Variants in MARCHF7 observed in about 807,000 individuals in gnomAD.
The protein encoded by MARCHF7 is E3 ubiquitin-protein ligase MARCHF7.
MARCHF7 carries 20 observed loss-of-function variants against 76.5 expected under a neutral mutation model. That is an observed-to-expected ratio of 0.26 (90% CI 0.18 to 0.38). The LOEUF is 0.38. MARCHF7 is among the 10% of genes least tolerant of loss of function. The pLI, the probability that MARCHF7 is intolerant of heterozygous loss-of-function variation, is 1.00. For missense variants in MARCHF7, 797 were observed against 812.9 expected (o/e 0.98, Z 0.24); for synonymous variants, 295 against 293.0 (o/e 1.01, Z -0.07).
intron 3 of MARCHF7, among the ~76,000 whole-genome samples, chr2:159,726,820 A>G (rs897708038): frequency 3.3e-5 from 5 of 152,062 alleles, no homozygotes; most frequent in African/African-American, 1.2e-4. Context: ...CCAACCACCA[A>G]TCTTCTTTCT....
chr2:159,756,766 C>T (rs544427445), intron 8 of MARCHF7, among the ~76,000 whole-genome samples: 2 of 150,926 alleles, frequency 1.3e-5, no homozygotes, highest in African/African-American at 4.9e-5. Flanking sequence ...TAGGGTTGGG[C>T]CTCAGTTCCA....
chr2:159,740,211 T>TA (rs1371684810), intron 4 of MARCHF7, among the ~76,000 whole-genome samples: 1 of 152,234 alleles, frequency 6.6e-6, no homozygotes, highest in Non-Finnish European at 1.5e-5. Context: ...CACATGCCTC[T>TA]AAAAGTCTTT....
Position 159,745,789 on chromosome 2 carries a change from T to C in MARCHF7, c.366T>C (p.Ser122=). The C allele has an allele frequency of 6.2e-7, 1 of 1,605,536 alleles. No individual in the cohort carries two copies. The highest frequency in any genetic ancestry group is 1.3e-5 in the African/African-American group (1 of 74,582). ...TTTAAGATTCATCTTGGAGGCATAG[T>C]CAAGTTCCTAGATCTTCATCAATGG... ...NTLSDSSWRH[S]QVPRSSSMVL... is the part of the protein sequence containing the mutation. Residue 122 remains serine, a synonymous_variant, in exon 6 of 12, where the codon AGT becomes AGC. Coordinates refer to ENST00000409175, the MANE Select transcript of MARCHF7 (RefSeq NM_001282805.2).
chr2:159,725,253 G>A (rs983295949), intron 3 of MARCHF7, among the ~76,000 whole-genome samples: 5 of 152,164 alleles, frequency 3.3e-5, no homozygotes, highest in African/African-American at 4.8e-5. Flanking sequence ...TTGAGGAATC[G>A]CCACACTGTC....
chr2:159,749,737 CG>C (rs200729100), intron 7 of MARCHF7, among the ~76,000 whole-genome samples: 5 of 129,510 alleles, frequency 3.9e-5, no homozygotes, highest in African/African-American at 1.2e-4. Flanking sequence ...ATGGTTGGGG[CG>C]GGGGGGGCGG....
In MARCHF7 at chr2:159,743,142, A is replaced by G; in HGVS notation, c.235A>G (p.Arg79Gly). ...TGAGATAACTCAGGGAGCACGCTCA[A>G]GATCGCAGAACCAGCAACGGGATCA... Reference protein sequence around the residue: ...ESEITQGARSRSQNQQRDHDS... With the variant: ...ESEITQGARSGSQNQQRDHDS... Residue 79 changes from arginine to glycine, a missense_variant, in exon 5 of 12, where the codon AGA becomes GGA. By Grantham distance (125) the Arg-to-Gly change is moderately radical. Coordinates refer to ENST00000409175, the MANE Select transcript of MARCHF7 (RefSeq NM_001282805.2). 1 of 1,614,204 alleles carries G rather than the reference A, an allele frequency of 6.2e-7. No homozygotes were observed. The highest frequency in any genetic ancestry group is 8.5e-7 in the Non-Finnish European group (1 of 1,180,020).
intron 7 of MARCHF7, 151 bp downstream of exon 7, chr2:159,749,054 C>T: frequency 2.2e-6 from 2 of 899,490 alleles, no homozygotes; most frequent in East Asian, 2.9e-5. Flanking sequence ...TCTCGGCTCA[C>T]TGCAGCCTCG....
chr2:159,733,504 C>T (rs1703067758), intron 4 of MARCHF7: 1 of 979,212 alleles, frequency 1.0e-6, no homozygotes, highest in Non-Finnish European at 1.2e-6. Flanking sequence ...TCCAAAGGTG[C>T]TGGGATTACA....
In MARCHF7 at chr2:159,764,670, C is replaced by T. The variant is rs748722727; in HGVS notation, c.2052C>T (p.Leu684=). The stretch of plus-strand genomic sequence containing the variant: ...CTCTTCAGGCACATATGGAAGATCT[C>T]GAAAGTAGGTGGAATTTCCCCTCCC... ...ARTLQAHMED[L]ETSEDDSEED... The change falls in exon 11 of 12, where the codon CTC becomes CTT. Residue 684 remains leucine, a synonymous_variant. Coordinates refer to ENST00000409175, the MANE Select transcript of MARCHF7 (RefSeq NM_001282805.2). 1.1e-5 allele frequency: 17 copies of T among 1,599,810 alleles called. No homozygotes were observed. Among genetic ancestry groups the T allele is most frequent in the South Asian group, 3.4e-5 (3 of 88,752 alleles).
intron 7 of MARCHF7, among the ~76,000 whole-genome samples, chr2:159,751,501 T>A (rs1705641870): frequency 6.6e-6 from 1 of 152,156 alleles, no homozygotes; most frequent in Non-Finnish European, 1.5e-5. Context: ...ATGCTTGAGG[T>A]TATGTCTGAT....
At chr2:159,762,049 GACTA>G (rs1560028750) in intron 9 of MARCHF7, among the ~76,000 whole-genome samples, 1 of 152,170 alleles carries the variant, frequency 6.6e-6, no homozygotes, top group Non-Finnish European at 1.5e-5. Context: ...GGGGCCTCTA[GACTA>G]ACTAGTGCCA....
At chr2:159,712,864 G>A (rs1047675152) in intron 1 of MARCHF7, among the ~76,000 whole-genome samples, 5 of 152,256 alleles carry the variant, frequency 3.3e-5, no homozygotes, top group African/African-American at 9.6e-5. Context: ...TTGGTCGGGT[G>A]GTGGAGTTTG....
chr2:159,747,305 A>ATTTAGCAAAAATAT (rs1390640350), intron 6 of MARCHF7, among the ~76,000 whole-genome samples: 1 of 152,208 alleles, frequency 6.6e-6, no homozygotes. Context: ...ATTTTTAGCT[A>ATTTAGCAAAAATAT]TTAGCAAGAT....
chr2:159,730,281 G>T (rs1702629875), intron 4 of MARCHF7, among the ~76,000 whole-genome samples: 1 of 152,078 alleles, frequency 6.6e-6, no homozygotes, highest in Non-Finnish European at 1.5e-5. Flanking sequence ...TATAATTAAT[G>T]TTTGATTTGC....
rs1229795654 is a variant in MARCHF7, at chr2:159,769,549, CAGG to C, written c.*2210_*2212del. On this transcript the variant is annotated 3_prime_UTR_variant, in exon 12 of 12. Coordinates refer to ENST00000409175, the MANE Select transcript of MARCHF7 (RefSeq NM_001282805.2). ...GTCCCAGCTACTAAGGAGGCTGAGG[CAGG>C]AGAATTGCTTGAAAACCTGCAAGGC... is the stretch of plus-strand genomic sequence containing the variant. 1 of 152,068 alleles carries C rather than the reference CAGG, an allele frequency of 6.6e-6. No individual in the cohort carries two copies. Among genetic ancestry groups the C allele is most frequent in the African/African-American group, 2.4e-5 (1 of 41,370 alleles). The allele number at this position is 152,068 out of a possible 1,614,324, so 9.4% of individuals were successfully genotyped here.
rs2125782642 is a variant in MARCHF7, at chr2:159,769,098, A to G, written c.*1756A>G. On this transcript the variant is annotated 3_prime_UTR_variant, in exon 12 of 12. Coordinates refer to ENST00000409175, the MANE Select transcript of MARCHF7 (RefSeq NM_001282805.2). ...AGAGAAAAGGCTTTCATTGGTTATC[A>G]GTTTTAAATTCTGAACAAAAGAGAC... The G allele has an allele frequency of 6.6e-6, 1 of 152,342 alleles. No homozygotes were observed. The highest frequency in any genetic ancestry group is 2.1e-4 in the South Asian group (1 of 4,834). The allele number at this position is 152,342 out of a possible 1,614,324, so 9.4% of individuals were successfully genotyped here.
At chr2:159,740,516 C>T (rs1450143040) in intron 4 of MARCHF7, among the ~76,000 whole-genome samples, 1 of 152,128 alleles carries the variant, frequency 6.6e-6, no homozygotes, top group Non-Finnish European at 1.5e-5. Flanking sequence ...ATTTTGGTCT[C>T]TGAAATCCAG....
intron 4 of MARCHF7, among the ~76,000 whole-genome samples, chr2:159,731,404 A>G (rs1702770145): frequency 6.6e-6 from 1 of 152,180 alleles, no homozygotes; most frequent in African/African-American, 2.4e-5. Context: ...TCTCCTTAAG[A>G]TATGACCGTT....
rs1707935144 is a variant in MARCHF7, at chr2:159,767,439, A to G, written c.*97A>G. ...TTTTGTGGGGGAATGCCTAATAAAT[A>G]CATTGACTATATATAAAATGAATAT... is the stretch of plus-strand genomic sequence containing the variant. On this transcript the variant is annotated 3_prime_UTR_variant, in exon 12 of 12. Coordinates refer to ENST00000409175, the MANE Select transcript of MARCHF7 (RefSeq NM_001282805.2). 1.3e-6 allele frequency: 1 copy of G among 768,882 alleles called. No homozygotes were observed. The highest frequency in any genetic ancestry group is 2.3e-5 in the Admixed American group (1 of 43,678). 47.6% of individuals were successfully genotyped at this position (768,882 alleles called of 1,614,324 possible). A position where few individuals can be genotyped will look rare whatever the true frequency, so the allele number is the denominator to read the frequency against.
Sources: gnomAD v4.1 joint callset for allele counts (sites outside exome capture counted in the v4.1 genomes callset) on GRCh38, gnomAD v4.1.1 for gene constraint, MANE v1.5 for transcripts, NCBI Gene and HGNC (gene_info 2026-07-23, HGNC 2026-07-21) for gene names.